The following NHSL2 variants were observed in gnomAD, a reference collection of about 807,000 sequenced individuals.
NHSL2 encodes the protein NHS-like protein 2.
In NHSL2, 27 loss-of-function variants were observed where a neutral mutation model predicts 53.4. That is an observed-to-expected ratio of 0.51 (90% CI 0.37 to 0.70). The LOEUF is 0.70. NHSL2 is among the 30% of genes least tolerant of loss of function. The pLI, the probability that NHSL2 is intolerant of heterozygous loss-of-function variation, is 0.00. For synonymous variants in NHSL2, 408 were observed against 404.1 expected (o/e 1.01, Z -0.12); for missense variants, 892 against 980.1 (o/e 0.91, Z 1.20).
chrX:72,060,312 C>T (rs1037949482), intron 1 of NHSL2, among the ~76,000 whole-genome samples: 2 of 111,958 alleles, frequency 1.8e-5, no homozygotes, highest in Non-Finnish European at 3.8e-5. Flanking sequence ...AACATCAATT[C>T]ATTTTTCTCC....
At chrX:72,074,626 T>C (rs1447586401) in intron 1 of NHSL2, among the ~76,000 whole-genome samples, 2 of 112,412 alleles carry the variant, frequency 1.8e-5, no homozygotes, top group Non-Finnish European at 3.8e-5. Flanking sequence ...AAAGGTACAA[T>C]GGCCACCCTA....
At position 72,101,133 on chromosome X, in the gene NHSL2, C is replaced by G. The variant is rs542344904; in HGVS notation, c.281-30946C>G. Among the ~76,000 whole-genome samples, 4 of 109,800 alleles carry G rather than the reference C, an allele frequency of 3.6e-5. No homozygotes were observed. In the East Asian group the frequency reaches 1.1e-3, roughly 31 times the overall value. ...TGGGGAGGGTGTGGTGTGAAGAACC[C>G]ACATTGTGGCTTACTCAACTGTGAG... On this transcript the variant is annotated intron_variant, in intron 1 of 7. Transcript: ENST00000633930.
chrX:72,123,016 G>A (rs2042193202), intron 1 of NHSL2, among the ~76,000 whole-genome samples: 1 of 112,587 alleles, frequency 8.9e-6, no homozygotes, highest in South Asian at 3.6e-4. Context: ...ACAGGCCAGT[G>A]GGGTCGGGGT....
At position 72,060,098 on chromosome X, in the gene NHSL2, G is replaced by T. The variant is rs184205668; in HGVS notation, c.281-71981G>T. Among the ~76,000 whole-genome samples, 186 of 112,107 alleles carry T rather than the reference G, an allele frequency of 1.7e-3. 1 individual carries two copies. The highest frequency in any genetic ancestry group is 4.6e-3 in the Middle Eastern group (1 of 218). On this transcript the variant is annotated intron_variant, in intron 1 of 7. Coordinates refer to ENST00000633930, the MANE Select transcript of NHSL2 (RefSeq NM_001013627.3). Reference sequence around the variant, plus strand: ...GTGCATTTGACCTCAGAAGCATGAGGCCATGTGGTGAAGCACAAAGACTAG... The same window carrying T: ...GTGCATTTGACCTCAGAAGCATGAGTCCATGTGGTGAAGCACAAAGACTAG...
In NHSL2 at chrX:71,963,983, A is replaced by ATATGTGTG. The variant is rs1569467044; in HGVS notation, c.280+52619_280+52620insGTGTGTAT. 1.1e-3 allele frequency among the ~76,000 whole-genome samples: 69 copies of ATATGTGTG among 65,382 alleles called. 2 individuals are homozygous for ATATGTGTG. Among genetic ancestry groups the ATATGTGTG allele is most frequent in the African/African-American group, 4.5e-3 (65 of 14,579 alleles). 56.8% of individuals were successfully genotyped at this position (65,382 alleles called of 115,157 possible). A position where few individuals can be genotyped will look rare whatever the true frequency, so the allele number is the denominator to read the frequency against. On this transcript the variant is annotated intron_variant, in intron 1 of 7. Coordinates refer to ENST00000633930, the MANE Select transcript of NHSL2 (RefSeq NM_001013627.3). ...TACACATATATATATACATATATATATATATATATGTATATACATATATAT... is the reference window on the plus strand; with the variant it reads ...TACACATATATATATACATATATATATATGTGTGTATATATATGTATATACATATATAT...
Position 71,962,057 on chromosome X carries a change from G to T in NHSL2, c.280+50690G>T, listed in dbSNP as rs1400305187. ...GTGAATTTTGTTTTTTGTTTGTTTT[G>T]CTTCATTTTCAAATGATCATGTGGT... is the stretch of plus-strand genomic sequence containing the variant. On this transcript the variant is annotated intron_variant, in intron 1 of 7. Transcript: ENST00000633930. Among the ~76,000 whole-genome samples, 3 of 111,897 alleles carry T rather than the reference G, an allele frequency of 2.7e-5. No individual in the cohort carries two copies. The East Asian group carries it at 8.4e-4, about 31-fold the overall frequency.
chrX:71,919,860 C>T lies in NHSL2; in HGVS notation c.280+8493C>T, dbSNP rs763197855. Reference sequence around the variant, plus strand: ...GAAGCAGCAGAGGATGGATGCAAGCCGCATAGCCAGGCAGTGTCCCCTGCC... The same window carrying T: ...GAAGCAGCAGAGGATGGATGCAAGCTGCATAGCCAGGCAGTGTCCCCTGCC... On this transcript the variant is annotated intron_variant, in intron 1 of 7. Coordinates refer to ENST00000633930, the MANE Select transcript of NHSL2 (RefSeq NM_001013627.3). Among the ~76,000 whole-genome samples, 9 of 112,659 alleles carry T rather than the reference C, an allele frequency of 8.0e-5. No homozygotes were observed. In the South Asian group the frequency reaches 1.1e-3, roughly 14 times the overall value.
In NHSL2 at chrX:72,088,587, C is replaced by T. The variant is rs191779377; in HGVS notation, c.281-43492C>T. Among the ~76,000 whole-genome samples the T allele has an allele frequency of 2.7e-5, 3 of 111,811 alleles. No individual in the cohort carries two copies. In the Admixed American group the frequency reaches 2.8e-4, roughly 11 times the overall value. ...CGTGAAATGGCCTTGACTTTGGCTT[C>T]AAGGCCTGACTCTTCTGGGCATTAA... On this transcript the variant is annotated intron_variant, in intron 1 of 7. Transcript: ENST00000633930.
intron 1 of NHSL2, among the ~76,000 whole-genome samples, chrX:72,103,236 T>C (rs1277059879): frequency 9.0e-6 from 1 of 110,942 alleles, no homozygotes; most frequent in East Asian, 2.8e-4. Flanking sequence ...GGGGGAAGGT[T>C]CTCACCATAT....
intron 1 of NHSL2, among the ~76,000 whole-genome samples, chrX:71,974,592 G>C (rs1176274813): frequency 8.9e-6 from 1 of 111,851 alleles, no homozygotes; most frequent in African/African-American, 3.3e-5. Flanking sequence ...ATTTTTTATA[G>C]AGAAAAACTA....
chrX:72,066,374 G>C (rs1414741355), intron 1 of NHSL2, among the ~76,000 whole-genome samples: 1 of 111,530 alleles, frequency 9.0e-6, no homozygotes, highest in Non-Finnish European at 1.9e-5. Context: ...TCCAAAACCT[G>C]GCTGCACCAT....
chrX:71,931,966 A>C (rs181113875), intron 1 of NHSL2, among the ~76,000 whole-genome samples: 57 of 112,446 alleles, frequency 5.1e-4, no homozygotes, highest in African/African-American at 1.8e-3. Flanking sequence ...TATCAAGGAT[A>C]TCCACATTCA....
chrX:72,144,972 T>TGCCTG lies in NHSL2; in HGVS notation c.*1399_*1403dup, dbSNP rs1282999785. 1 of 112,591 alleles carries TGCCTG rather than the reference T, an allele frequency of 8.9e-6. No homozygotes were observed. Among genetic ancestry groups the TGCCTG allele is most frequent in the African/African-American group, 3.3e-5 (1 of 30,641 alleles). The allele number at this position is 112,591 out of a possible 1,213,427, so 9.3% of individuals were successfully genotyped here. ...AGCAGTGATTCATTTGATTTTTGTA[T>TGCCTG]GCCTGATTTCTGGGAGGTTGGGGAG... On this transcript the variant is annotated 3_prime_UTR_variant, in exon 8 of 8. Coordinates refer to ENST00000633930, the MANE Select transcript of NHSL2 (RefSeq NM_001013627.3).
chrX:72,007,480 T>A (rs1176712762), intron 1 of NHSL2, among the ~76,000 whole-genome samples: 1 of 112,349 alleles, frequency 8.9e-6, no homozygotes, highest in Non-Finnish European at 1.9e-5. Flanking sequence ...CTCAGAGAGT[T>A]CTTCTTAAGG....
Position 72,149,632 on chromosome X carries a change from G to A in NHSL2, c.*6058G>A, listed in dbSNP as rs1205979362. The A allele has an allele frequency of 2.7e-5, 3 of 112,186 alleles. No individual in the cohort carries two copies. The highest frequency in any genetic ancestry group is 9.7e-5 in the African/African-American group (3 of 30,875). 9.2% of individuals were successfully genotyped at this position (112,186 alleles called of 1,213,427 possible). A position where few individuals can be genotyped will look rare whatever the true frequency, so the allele number is the denominator to read the frequency against. ...TATGTATGTGCTGAGGTCTTCTGATGAATTGTAAATTACAAACCTTTTCAT... is the reference window on the plus strand; with the variant it reads ...TATGTATGTGCTGAGGTCTTCTGATAAATTGTAAATTACAAACCTTTTCAT... On this transcript the variant is annotated 3_prime_UTR_variant, in exon 8 of 8. Transcript: ENST00000633930.
At chrX:72,027,311 G>A (rs760295338) in intron 1 of NHSL2, among the ~76,000 whole-genome samples, 3 of 111,333 alleles carry the variant, frequency 2.7e-5, no homozygotes, top group African/African-American at 9.8e-5. Flanking sequence ...TTTGAGTTTC[G>A]TGCTTATGTT....
chrX:72,097,570 C>T (rs1263099204), intron 1 of NHSL2, among the ~76,000 whole-genome samples: 3 of 112,196 alleles, frequency 2.7e-5, no homozygotes, highest in African/African-American at 9.7e-5. Context: ...TCCCACACCA[C>T]TTGTCCCCTA....
At chrX:72,095,613 T>C (rs1328333546) in intron 1 of NHSL2, among the ~76,000 whole-genome samples, 1 of 112,245 alleles carries the variant, frequency 8.9e-6, no homozygotes, top group African/African-American at 3.2e-5. Flanking sequence ...TCTAGGGCCC[T>C]GAAGGCCTGA....
At position 72,140,321 on chromosome X, in the gene NHSL2, C is replaced by T. The variant is rs368270177; in HGVS notation, c.2773C>T (p.Arg925Trp). ...PLPQDSYTVV[R>W]KPKPSSFPDG... is the part of the protein sequence containing the mutation. ...CCCTCAAGACAGCTACACGGTAGTG[C>T]GGAAACCAAAGCCCTCCAGCTTCCC... Residue 925 changes from arginine to tryptophan, a missense_variant, in exon 6 of 8, where the codon CGG becomes TGG. By Grantham distance (101) the Arg-to-Trp change is moderately radical. Coordinates refer to ENST00000633930, the MANE Select transcript of NHSL2 (RefSeq NM_001013627.3). 69 of 1,208,823 alleles carry T rather than the reference C, an allele frequency of 5.7e-5. No homozygotes were observed. The highest frequency in any genetic ancestry group is 2.3e-4 in the Middle Eastern group (1 of 4,370).
Sources: allele counts gnomAD v4.1 joint callset (sites outside exome capture counted in the v4.1 genomes callset), GRCh38; gene constraint gnomAD v4.1.1; transcripts MANE v1.5; gene names NCBI Gene and HGNC (gene_info 2026-07-23, HGNC 2026-07-21).